The following HIPK3 variants were observed in gnomAD, a reference collection of about 807,000 sequenced individuals.
HIPK3 encodes the protein homeodomain interacting protein kinase 3.
In HIPK3, 47 loss-of-function variants were observed where a neutral mutation model predicts 124.2. The observed-to-expected ratio is 0.38, with a 90% CI of 0.30 to 0.48. HIPK3 has a LOEUF of 0.48. Among genes scored for constraint, HIPK3 ranks in the 20% least tolerant of loss-of-function variants. HIPK3 has a pLI of 0.98. For missense variants in HIPK3, 1,286 were observed against 1,454.3 expected, an observed-to-expected ratio of 0.88 and a Z score of 1.88; for synonymous variants, 482 against 515.2, an observed-to-expected ratio of 0.94 and a Z score of 0.87.
intron 1 of HIPK3, among the ~76,000 whole-genome samples, chr11:33,275,235 T>C (rs1205776582): frequency 6.6e-6 from 1 of 152,134 alleles, no homozygotes; most frequent in Non-Finnish European, 1.5e-5. Context: ...AGGTGGGGTT[T>C]CAACATACTG....
chr11:33,319,496 C>CAAA (rs34485674), intron 2 of HIPK3, among the ~76,000 whole-genome samples: 1 of 115,812 alleles, frequency 8.6e-6, no homozygotes, highest in Non-Finnish European at 1.8e-5. Flanking sequence ...AACTCCATCT[C>CAAA]AAAAAAAAAA....
intron 2 of HIPK3, among the ~76,000 whole-genome samples, chr11:33,327,907 C>A (rs1197871707): frequency 6.6e-6 from 1 of 152,106 alleles, no homozygotes; most frequent in African/African-American, 2.4e-5. Flanking sequence ...TCCCAAATGA[C>A]CAAACACTTT....
At chr11:33,306,045 A>C (rs769801747) in intron 2 of HIPK3, among the ~76,000 whole-genome samples, 14 of 152,110 alleles carry the variant, frequency 9.2e-5, no homozygotes, top group Non-Finnish European at 2.1e-4. Flanking sequence ...GAAGCACATA[A>C]CTTTAAAGCT....
At chr11:33,332,602 A>G (rs946393025) in intron 3 of HIPK3, among the ~76,000 whole-genome samples, 1 of 152,226 alleles carries the variant, frequency 6.6e-6, no homozygotes, top group Non-Finnish European at 1.5e-5. Context: ...GTCTGACTTT[A>G]TATTCAAATT....
intron 3 of HIPK3, among the ~76,000 whole-genome samples, chr11:33,329,314 T>C (rs1488295589): frequency 6.6e-6 from 1 of 152,210 alleles, no homozygotes; most frequent in African/African-American, 2.4e-5. Context: ...GATAATGTAC[T>C]CAACTCATTC....
At chr11:33,324,179 AC>A (rs1242294902) in intron 2 of HIPK3, among the ~76,000 whole-genome samples, 8 of 152,158 alleles carry the variant, frequency 5.3e-5, no homozygotes, top group African/African-American at 1.9e-4. Context: ...TTAAGATGAA[AC>A]CAGTAAACTA....
At chr11:33,349,013 G>A in intron 13 of HIPK3, 134 bp from the exon 14 acceptor site, 1 of 938,416 alleles carries the variant, frequency 1.1e-6, no homozygotes, top group Non-Finnish European at 1.6e-6. Flanking sequence ...CCTTGTATCT[G>A]TAAGCTTTAA....
chr11:33,347,122 C>T (rs1853517226), intron 8 of HIPK3, among the ~76,000 whole-genome samples, 171 bp from the exon 9 acceptor site: 1 of 151,190 alleles, frequency 6.6e-6, no homozygotes, highest in African/African-American at 2.4e-5. Context: ...AGGTTGAGGC[C>T]ACAGTATGGA....
intron 8 of HIPK3, among the ~76,000 whole-genome samples, chr11:33,344,264 C>G (rs1565096663): frequency 6.6e-6 from 1 of 152,126 alleles, no homozygotes; most frequent in East Asian, 1.9e-4. Flanking sequence ...CTTGTGTTAT[C>G]TTGACAAATG....
chr11:33,274,258 A>T (rs946171855), intron 1 of HIPK3, among the ~76,000 whole-genome samples: 3 of 152,030 alleles, frequency 2.0e-5, no homozygotes, highest in Non-Finnish European at 2.9e-5. Flanking sequence ...ATGTCAGGTG[A>T]TCTTGTAGGA....
chr11:33,298,384 T>G (rs1464431585), intron 2 of HIPK3, among the ~76,000 whole-genome samples: 1 of 152,236 alleles, frequency 6.6e-6, no homozygotes, highest in African/African-American at 2.4e-5. Context: ...AGAGCTCTGA[T>G]GGAGATATAT....
intron 3 of HIPK3, among the ~76,000 whole-genome samples, chr11:33,331,684 G>GT (rs796410462): frequency 1.3e-5 from 2 of 152,236 alleles, no homozygotes; most frequent in Non-Finnish European, 1.5e-5. Flanking sequence ...TGGCCTGGCA[G>GT]TTTTTTTCTA....
At chr11:33,295,510 G>T (rs1304654534) in intron 2 of HIPK3, among the ~76,000 whole-genome samples, 1 of 152,250 alleles carries the variant, frequency 6.6e-6, no homozygotes, top group Admixed American at 6.5e-5. Flanking sequence ...AAACCTTCGG[G>T]CGTAGGCTCC....
At chr11:33,297,579 T>G (rs1851875635) in intron 2 of HIPK3, among the ~76,000 whole-genome samples, 1 of 152,024 alleles carries the variant, frequency 6.6e-6, no homozygotes, top group South Asian at 2.1e-4. Flanking sequence ...GAAAGAAGCC[T>G]CTCCATAACA....
At chr11:33,299,460 G>A (rs567212759) in intron 2 of HIPK3, among the ~76,000 whole-genome samples, 24 of 151,718 alleles carry the variant, frequency 1.6e-4, no homozygotes, top group African/African-American at 5.1e-4. Context: ...GCTGCAGAAC[G>A]AGACTCTGTC....
intron 1 of HIPK3, among the ~76,000 whole-genome samples, chr11:33,274,513 T>C (rs965150367): frequency 6.6e-6 from 1 of 152,180 alleles, no homozygotes; most frequent in East Asian, 1.9e-4. Context: ...AGAATTTAAG[T>C]AAAAATTTTT....
At position 33,257,645 on chromosome 11, in the gene HIPK3, G is replaced by A. The variant is rs1203758105; in HGVS notation, c.-247G>A. On this transcript the variant is annotated 5_prime_UTR_variant, in exon 1 of 17. Transcript: ENST00000303296. ...CCCCGGGAAGGAAGATGAGGGAGAC[G>A]GGCCCGGCGCTTAGCAGCCAGAGCA... 2.0e-6 allele frequency: 2 copies of A among 990,632 alleles called. No homozygotes were observed. Among genetic ancestry groups the A allele is most frequent in the South Asian group, 4.5e-5 (1 of 22,268 alleles). 61.4% of individuals were successfully genotyped at this position (990,632 alleles called of 1,614,324 possible).
chr11:33,271,804 AAT>A (rs1444975220), intron 1 of HIPK3, among the ~76,000 whole-genome samples: 5 of 152,332 alleles, frequency 3.3e-5, no homozygotes, highest in Non-Finnish European at 1.5e-5. Flanking sequence ...TATTTAAAAA[AAT>A]CTCTTCAGCC....
chr11:33,273,234 G>A (rs981272705), intron 1 of HIPK3, among the ~76,000 whole-genome samples: 25 of 152,102 alleles, frequency 1.6e-4, no homozygotes, highest in Non-Finnish European at 3.2e-4. Flanking sequence ...GCTGGGTGCG[G>A]TGGCTTACGC....
Sources: gnomAD v4.1 joint callset for allele counts (sites outside exome capture counted in the v4.1 genomes callset) on GRCh38, gnomAD v4.1.1 for gene constraint, MANE v1.5 for transcripts, NCBI Gene and HGNC (gene_info 2026-07-23, HGNC 2026-07-21) for gene names.